PHF20L1: variants seen among roughly 807,000 people sequenced by gnomAD.
PHF20L1 encodes PHD finger protein 20 like 1.
A neutral mutation model predicts 125.5 loss-of-function variants in PHF20L1; 44 were observed. The ratio of observed to expected loss-of-function variants is 0.35; its 90% CI spans 0.28 to 0.45. PHF20L1 has a LOEUF of 0.45. PHF20L1 is among the 20% of genes least tolerant of loss of function. The pLI is 1.00. For missense variants in PHF20L1, 1,012 were observed against 1,217.2 expected (o/e 0.83, Z 2.51); for synonymous variants, 380 against 403.1 (o/e 0.94, Z 0.69).
rs1179418516 is a variant in PHF20L1 at position 132,799,299 on chromosome 8, A to T, written c.507+127A>T. On this transcript the variant is annotated intron_variant, in intron 6 of 20. Transcript: ENST00000395386. ...ATCTTCTTCTTTCCTTCTACAAATC[A>T]TAGTCATTCATCTTCCTTTAAAAGG... 1.7e-5 allele frequency: 10 copies of T among 580,124 alleles called. No individual in the cohort carries two copies. In the East Asian group the frequency reaches 2.9e-4, roughly 17 times the overall value. The allele number at this position is 580,124 out of a possible 1,614,324, so 35.9% of individuals were successfully genotyped here.
intron 14 of PHF20L1, among the ~76,000 whole-genome samples, chr8:132,831,437 T>TC (rs2131839997): frequency 6.6e-6 from 1 of 152,144 alleles, no homozygotes; most frequent in South Asian, 2.1e-4. Flanking sequence ...CTTGCACACA[T>TC]CTGTGGGACT....
intron 12 of PHF20L1, among the ~76,000 whole-genome samples, chr8:132,821,678 A>T (rs941188901): frequency 1.3e-5 from 2 of 151,902 alleles, no homozygotes; most frequent in Non-Finnish European, 2.9e-5. Context: ...TGTAATGTTT[A>T]GCATACCAGA....
chr8:132,780,113 A>G (rs1292705627), intron 2 of PHF20L1, among the ~76,000 whole-genome samples: 3 of 152,244 alleles, frequency 2.0e-5, no homozygotes, highest in African/African-American at 7.2e-5. Context: ...TATTGTATAT[A>G]TGTATTCTAG....
At chr8:132,825,858 A>G (rs1836118381) in intron 14 of PHF20L1, among the ~76,000 whole-genome samples, 1 of 152,074 alleles carries the variant, frequency 6.6e-6, no homozygotes, top group Non-Finnish European at 1.5e-5. Context: ...TGCAAGAGGC[A>G]AGGAAGGATT....
intron 20 of PHF20L1, among the ~76,000 whole-genome samples, chr8:132,845,061 T>C (rs998028832): frequency 6.6e-6 from 1 of 152,082 alleles, no homozygotes; most frequent in Admixed American, 6.6e-5. Context: ...AAACCCATTT[T>C]AGAAGCCTCT....
At chr8:132,806,329 A>G (rs1268777228) in intron 8 of PHF20L1, 1 of 152,022 alleles carries the variant, frequency 6.6e-6, no homozygotes. Context: ...TATGGCCTTG[A>G]AAAGACAGTA....
chr8:132,803,696 A>G (rs1020241233), intron 6 of PHF20L1, 123 bp from the exon 7 acceptor site: 8 of 612,840 alleles, frequency 1.3e-5, no homozygotes, highest in East Asian at 2.8e-5. Context: ...TGTTATCTCT[A>G]TATTTATGTT....
At chr8:132,793,765 CATT>C (rs1387299067) in intron 2 of PHF20L1, among the ~76,000 whole-genome samples, 3 of 152,162 alleles carry the variant, frequency 2.0e-5, no homozygotes, top group Non-Finnish European at 2.9e-5. Flanking sequence ...GCCTTACCAT[CATT>C]GTTGCTCTTT....
chr8:132,780,844 CTTTT>C (rs199806400), intron 2 of PHF20L1, among the ~76,000 whole-genome samples: 5 of 129,658 alleles, frequency 3.9e-5, no homozygotes, highest in African/African-American at 5.7e-5. Flanking sequence ...GTTTTTCTTG[CTTTT>C]TTTTTTTTTT....
chr8:132,788,923 A>G (rs1442706519), intron 2 of PHF20L1: 4 of 151,758 alleles, frequency 2.6e-5, no homozygotes, highest in African/African-American at 4.8e-5. Flanking sequence ...ACCTCAAAAG[A>G]ATACCCATAT....
chr8:132,789,677 G>A (rs1039668697), intron 2 of PHF20L1, among the ~76,000 whole-genome samples: 5 of 152,098 alleles, frequency 3.3e-5, no homozygotes, highest in Admixed American at 1.3e-4. Context: ...CAAGACATAC[G>A]AGAGAGCAAG....
chr8:132,782,680 C>T (rs35222496), intron 2 of PHF20L1, among the ~76,000 whole-genome samples: 2,086 of 152,088 alleles, frequency 0.014, 19 homozygotes, highest in Middle Eastern at 0.11. Flanking sequence ...CTTTACCTCC[C>T]GGGGCTCAAG....
At chr8:132,796,287 G>C (rs933359069) in intron 4 of PHF20L1, among the ~76,000 whole-genome samples, 1 of 151,980 alleles carries the variant, frequency 6.6e-6, no homozygotes, top group Non-Finnish European at 1.5e-5. Flanking sequence ...AGTACAGGTT[G>C]GAGAGAAAGG....
chr8:132,844,498 T>C (rs1041901411), intron 20 of PHF20L1, among the ~76,000 whole-genome samples, 180 bp downstream of exon 20: 3 of 152,244 alleles, frequency 2.0e-5, no homozygotes, highest in South Asian at 2.1e-4. Context: ...CTTAAAACAA[T>C]GTGACCGGGT....
chr8:132,833,301 C>T (rs974848727), intron 15 of PHF20L1, among the ~76,000 whole-genome samples: 2 of 152,078 alleles, frequency 1.3e-5, no homozygotes, highest in African/African-American at 4.8e-5. Context: ...GGTCTAAGTC[C>T]TCCCTGGCTC....
chr8:132,806,021 A>G (rs919313100), intron 8 of PHF20L1, among the ~76,000 whole-genome samples: 4 of 152,050 alleles, frequency 2.6e-5, no homozygotes, highest in Middle Eastern at 3.4e-3. Context: ...ACCCAGTGCT[A>G]TGTGCTGGGC....
intron 13 of PHF20L1, 157 bp downstream of exon 13, chr8:132,824,217 ATTTATTAAACACATATCTTGTTT>A: frequency 2.2e-6 from 1 of 464,150 alleles, no homozygotes; most frequent in Non-Finnish European, 3.9e-6. Context: ...CAGATACATG[ATTTATTAAACACATATCTTGTTT>A]TATATGTAAC....
intron 2 of PHF20L1, 67 bp from the exon 3 acceptor site, chr8:132,794,342 TA>T: frequency 2.2e-6 from 2 of 913,006 alleles, no homozygotes; most frequent in Admixed American, 4.5e-5. Flanking sequence ...CAGCTAAATC[TA>T]TGTATAATGC....
chr8:132,799,226 AT>A, intron 6 of PHF20L1, 54 bp downstream of exon 6: 1 of 997,226 alleles, frequency 1.0e-6, no homozygotes, highest in Non-Finnish European at 1.5e-6. Context: ...ATATAATGTC[AT>A]TTAGAAAGTT....
Sources: allele counts gnomAD v4.1 joint callset (sites outside exome capture counted in the v4.1 genomes callset), GRCh38; gene constraint gnomAD v4.1.1; transcripts MANE v1.5; gene names NCBI Gene and HGNC (gene_info 2026-07-23, HGNC 2026-07-21).